ANKRD11: variants seen among roughly 807,000 people sequenced by gnomAD.
The protein encoded by ANKRD11 is ankyrin repeat domain 11.
In ANKRD11, 17 loss-of-function variants were observed where a neutral mutation model predicts 195.7. The observed-to-expected ratio is 0.09, with a 90% CI of 0.06 to 0.13. The LOEUF (loss-of-function observed/expected upper bound fraction) is 0.13. Among genes scored for constraint, ANKRD11 ranks in the 10% least tolerant of loss-of-function variants. ANKRD11 has a pLI of 1.00. For missense variants in ANKRD11, 3,735 were observed against 3,566.1 expected (o/e 1.05, Z -1.21); for synonymous variants, 1,953 against 1,528.1 (o/e 1.28, Z -6.49).
chr16:89,341,280 C>T (rs1458462277), intron 2 of ANKRD11, among the ~76,000 whole-genome samples: 1 of 152,190 alleles, frequency 6.6e-6, no homozygotes, highest in Non-Finnish European at 1.5e-5. Context: ...CCATTTCTCT[C>T]TGCATTAAAT....
At chr16:89,489,219 ACACACACGCGCGCGCGCGCGCGCGCG>A (rs988896465) in intron 1 of ANKRD11, 2 of 107,032 alleles carry the variant, frequency 1.9e-5, no homozygotes, top group African/African-American at 3.2e-5. Flanking sequence ...CTACACACAC[ACACACACGCGCGCGCGCGCGCGCGCG>A]CACACACATA....
intron 1 of ANKRD11, among the ~76,000 whole-genome samples, chr16:89,427,287 T>C (rs2042755216): frequency 6.6e-6 from 1 of 152,018 alleles, no homozygotes; most frequent in Non-Finnish European, 1.5e-5. Flanking sequence ...AGGGAAAAAA[T>C]CCCATATTCA....
chr16:89,426,595 T>C (rs933695254), intron 1 of ANKRD11, among the ~76,000 whole-genome samples: 1 of 149,434 alleles, frequency 6.7e-6, no homozygotes, highest in Non-Finnish European at 1.5e-5. Context: ...AATGAAGACA[T>C]AAGACCAACC....
rs1035483402 is a variant in ANKRD11, at chr16:89,300,941, G to C, written c.226+4265C>G. ...GAGGGCTCCCTCGTGGCTGCCCCAG[G>C]ACAAGCAGGACCCCGGCGGTCCTAG... On this transcript the variant is annotated intron_variant, in intron 4 of 12. Transcript: ENST00000301030. 6 of 695,478 alleles carry C rather than the reference G, an allele frequency of 8.6e-6. No homozygotes were observed. The Admixed American group carries it at 1.2e-4, about 14-fold the overall frequency. The allele number at this position is 695,478 out of a possible 1,614,324, so 43.1% of individuals were successfully genotyped here.
At chr16:89,440,528 A>C (rs1277504607) in intron 1 of ANKRD11, among the ~76,000 whole-genome samples, 1 of 152,194 alleles carries the variant, frequency 6.6e-6, no homozygotes, top group Non-Finnish European at 1.5e-5. Context: ...AGGTGGGAGA[A>C]TTGCTTGAGA....
At chr16:89,276,800 G>A (rs549803744) in intron 9 of ANKRD11, among the ~76,000 whole-genome samples, 1 of 152,322 alleles carries the variant, frequency 6.6e-6, no homozygotes, top group East Asian at 1.9e-4. Context: ...GCTCACACCT[G>A]TAATCCCAGC....
rs1226283980 is a variant in ANKRD11 at position 89,490,531 on chromosome 16, G to A, written c.-431C>T. 3 of 469,632 alleles carry A rather than the reference G, an allele frequency of 6.4e-6. No homozygotes were observed. Among genetic ancestry groups the A allele is most frequent in the South Asian group, 3.4e-5 (1 of 29,340 alleles). The allele number at this position is 469,632 out of a possible 1,614,324, so 29.1% of individuals were successfully genotyped here. The stretch of plus-strand genomic sequence containing the variant: ...GGCGCCTCCCCGGCTGGGGCCCTCG[G>A]TCCATCGCGCACCGTCTCAGGGCGG... On this transcript the variant is annotated 5_prime_UTR_variant, in exon 1 of 13. Transcript: ENST00000301030.
At chr16:89,306,987 G>A (rs185391130) in intron 3 of ANKRD11, among the ~76,000 whole-genome samples, 2 of 151,214 alleles carry the variant, frequency 1.3e-5, no homozygotes, top group South Asian at 2.1e-4. Flanking sequence ...GGGACGGTGC[G>A]ACACACACAG....
chr16:89,464,013 C>G (rs1429385272), intron 1 of ANKRD11, among the ~76,000 whole-genome samples: 1 of 152,092 alleles, frequency 6.6e-6, no homozygotes, highest in African/African-American at 2.4e-5. Context: ...GTGAGGTGGG[C>G]GGATCACTTG....
At chr16:89,357,184 C>G (rs1262542847) in intron 2 of ANKRD11, among the ~76,000 whole-genome samples, 1 of 152,198 alleles carries the variant, frequency 6.6e-6, no homozygotes. Context: ...CTACAACACA[C>G]CTTCGAAGAT....
chr16:89,319,780 C>T (rs1041637180), intron 2 of ANKRD11, among the ~76,000 whole-genome samples: 2 of 152,230 alleles, frequency 1.3e-5, no homozygotes, highest in Non-Finnish European at 2.9e-5. Context: ...AGGCACCAGG[C>T]GTGCAGCACG....
At chr16:89,385,511 C>G (rs537944578) in intron 2 of ANKRD11, among the ~76,000 whole-genome samples, 56 of 152,244 alleles carry the variant, frequency 3.7e-4, no homozygotes, top group Non-Finnish European at 1.5e-4. Flanking sequence ...CCAGAGACAC[C>G]GAGACCCTGT....
chr16:89,274,421 C>T (rs756801236), intron 11 of ANKRD11, among the ~76,000 whole-genome samples: 2 of 151,644 alleles, frequency 1.3e-5, no homozygotes, highest in African/African-American at 2.4e-5. Context: ...TGAAAGCCCT[C>T]GATGTGGCAG....
At chr16:89,399,508 G>A (rs1257190055) in intron 2 of ANKRD11, among the ~76,000 whole-genome samples, 1 of 152,208 alleles carries the variant, frequency 6.6e-6, no homozygotes, top group Non-Finnish European at 1.5e-5. Flanking sequence ...TGGGGAGAGG[G>A]AGGGACGGAG....
At chr16:89,439,655 C>T (rs1354883127) in intron 1 of ANKRD11, among the ~76,000 whole-genome samples, 2 of 152,046 alleles carry the variant, frequency 1.3e-5, no homozygotes, top group Admixed American at 6.5e-5. Flanking sequence ...AAAGCTTGTT[C>T]TATTCTTCAT....
At chr16:89,278,530 G>A (rs781642944) in intron 9 of ANKRD11, 65 of 456,536 alleles carry the variant, frequency 1.4e-4, no homozygotes, top group South Asian at 7.3e-4. Context: ...GGGCTGACAG[G>A]GTCAGGTGGA....
intron 1 of ANKRD11, among the ~76,000 whole-genome samples, chr16:89,440,811 T>A (rs1207413296): frequency 6.6e-6 from 1 of 152,050 alleles, no homozygotes; most frequent in Non-Finnish European, 1.5e-5. Context: ...GGACTGAAAA[T>A]AAATCCATGT....
At chr16:89,476,181 C>T (rs2057252225) in intron 1 of ANKRD11, among the ~76,000 whole-genome samples, 1 of 152,030 alleles carries the variant, frequency 6.6e-6, no homozygotes, top group Non-Finnish European at 1.5e-5. Flanking sequence ...AACTACAAAG[C>T]CAATTTCAGG....
chr16:89,434,841 G>C (rs1025406268), intron 1 of ANKRD11, among the ~76,000 whole-genome samples: 1 of 152,210 alleles, frequency 6.6e-6, no homozygotes, highest in Non-Finnish European at 1.5e-5. Flanking sequence ...GTCTGGGGCA[G>C]CCTTGCCCTG....
Sources: gnomAD v4.1 joint callset for allele counts (sites outside exome capture counted in the v4.1 genomes callset) on GRCh38, gnomAD v4.1.1 for gene constraint, MANE v1.5 for transcripts, NCBI Gene and HGNC (gene_info 2026-07-23, HGNC 2026-07-21) for gene names.